Variants in AMPH observed in about 807,000 individuals in gnomAD.
The protein encoded by AMPH is amphiphysin (Stiff-Mann syndrome with breast cancer 128kD autoantigen).
In AMPH, 49 loss-of-function variants were observed where a neutral mutation model predicts 99.1. The ratio of observed to expected loss-of-function variants is 0.49; its 90% CI spans 0.39 to 0.63. AMPH has a LOEUF of 0.63. AMPH is among the 20% of genes least tolerant of loss of function. The pLI, the probability that AMPH is intolerant of heterozygous loss-of-function variation, is 0.00. For missense variants in AMPH, 759 were observed against 863.4 expected (o/e 0.88, Z 1.52); for synonymous variants, 314 against 317.3 (o/e 0.99, Z 0.11).
In AMPH at chr7:38,391,847, G is replaced by A; in HGVS notation, c.1779C>T (p.Asp593=). 6.2e-7 allele frequency: 1 copy of A among 1,613,266 alleles called. No individual in the cohort carries two copies. The highest frequency in any genetic ancestry group is 8.5e-7 in the Non-Finnish European group (1 of 1,179,840). Reference sequence around the variant, plus strand: ...CTGGTGCAGAAGGCGTGGGCTGAGGGTCCTGGATAGGCTTCTGCTCCGTAG... The same window carrying A: ...CTGGTGCAGAAGGCGTGGGCTGAGGATCCTGGATAGGCTTCTGCTCCGTAG... ...ELATEQKPIQ[D]PQPTPSAPAM... is the part of the protein sequence containing the mutation. Residue 593 remains aspartate (D), a synonymous_variant, in exon 19 of 21, where the codon GAC becomes GAT. Coordinates refer to ENST00000356264, the MANE Select transcript of AMPH (RefSeq NM_001635.4).
chr7:38,474,207 AAGCTTTG>A (rs1023205477), intron 7 of AMPH, among the ~76,000 whole-genome samples: 1 of 152,154 alleles, frequency 6.6e-6, no homozygotes, highest in African/African-American at 2.4e-5. Flanking sequence ...AACAATTGCA[AAGCTTTG>A]AGGTTTCGGA....
intron 1 of AMPH, among the ~76,000 whole-genome samples, chr7:38,611,954 TG>T (rs1269769593): frequency 6.6e-6 from 1 of 152,214 alleles, no homozygotes; most frequent in Non-Finnish European, 1.5e-5. Flanking sequence ...AAACACGGTC[TG>T]TCTACACAGC....
intron 1 of AMPH, among the ~76,000 whole-genome samples, chr7:38,594,989 A>G (rs1168453355): frequency 1.3e-5 from 2 of 152,212 alleles, no homozygotes; most frequent in Non-Finnish European, 1.5e-5. Flanking sequence ...TGTGGTGTAC[A>G]TTACATGTGA....
chr7:38,558,991 G>A (rs1202609849), intron 1 of AMPH, among the ~76,000 whole-genome samples: 1 of 152,190 alleles, frequency 6.6e-6, no homozygotes, highest in East Asian at 1.9e-4. Context: ...GAGACATAAG[G>A]AAATTTATAT....
intron 1 of AMPH, among the ~76,000 whole-genome samples, chr7:38,626,490 A>T (rs74714068): frequency 0.033 from 4,976 of 152,344 alleles, 325 homozygotes; most frequent in African/African-American, 0.11. Flanking sequence ...CTGGCTAGCC[A>T]TATGCAGAAA....
chr7:38,428,721 C>A (rs1044287545), intron 14 of AMPH: 5 of 456,624 alleles, frequency 1.1e-5, no homozygotes, highest in Non-Finnish European at 2.2e-5. Flanking sequence ...GGCTCCAAAG[C>A]CTTCTATCAT....
chr7:38,498,824 T>C (rs567144212), intron 3 of AMPH, among the ~76,000 whole-genome samples: 20 of 152,356 alleles, frequency 1.3e-4, no homozygotes, highest in African/African-American at 4.6e-4. Context: ...TATGATATGA[T>C]ACATGAAGCA....
intron 1 of AMPH, among the ~76,000 whole-genome samples, chr7:38,545,784 C>T (rs1022561270): frequency 2.6e-5 from 4 of 152,088 alleles, no homozygotes; most frequent in Admixed American, 2.6e-4. Flanking sequence ...TGCAATATGC[C>T]CCAACTGCCA....
At chr7:38,521,996 G>A (rs79389546) in intron 2 of AMPH, among the ~76,000 whole-genome samples, 1 of 152,162 alleles carries the variant, frequency 6.6e-6, no homozygotes, top group Admixed American at 6.5e-5. Flanking sequence ...TATTACTACA[G>A]CTATCATAGG....
intron 12 of AMPH, among the ~76,000 whole-genome samples, chr7:38,434,607 C>T (rs1786184590): frequency 1.3e-5 from 2 of 152,054 alleles, no homozygotes; most frequent in African/African-American, 4.8e-5. Context: ...GTCGTGGTGG[C>T]AGGCGCCTGT....
intron 5 of AMPH, among the ~76,000 whole-genome samples, chr7:38,477,231 A>G (rs749932817): frequency 1.3e-5 from 2 of 152,042 alleles, no homozygotes; most frequent in Admixed American, 6.6e-5. Context: ...CAGAGTTTGC[A>G]GTCAAAGACC....
At chr7:38,531,814 T>C (rs1402305077) in intron 2 of AMPH, among the ~76,000 whole-genome samples, 1 of 152,180 alleles carries the variant, frequency 6.6e-6, no homozygotes, top group Non-Finnish European at 1.5e-5. Flanking sequence ...ATATAAAATA[T>C]ATATACTCGT....
chr7:38,520,565 A>G (rs1789919906), intron 2 of AMPH, among the ~76,000 whole-genome samples: 1 of 152,226 alleles, frequency 6.6e-6, no homozygotes, highest in African/African-American at 2.4e-5. Flanking sequence ...ATATTTTACA[A>G]TTGAATGAGA....
chr7:38,400,679 C>T (rs932194907), intron 17 of AMPH, among the ~76,000 whole-genome samples: 2 of 152,212 alleles, frequency 1.3e-5, no homozygotes, highest in East Asian at 1.9e-4. Flanking sequence ...GAGAACTTGT[C>T]GTCTCTGAGG....
In AMPH at chr7:38,585,654, T is replaced by G. The variant is rs529641873; in HGVS notation, c.69+45629A>C. On this transcript the variant is annotated intron_variant, in intron 1 of 20. Transcript: ENST00000356264. ...CAGAGCCAAATTTAGCCTAAGCTTT[T>G]AATACATGGATCTGTCCAATAGCCT... Among the ~76,000 whole-genome samples the G allele has an allele frequency of 2.8e-4, 43 of 152,382 alleles. 1 individual carries two copies. In the South Asian group the frequency reaches 8.3e-3, roughly 29 times the overall value.
intron 3 of AMPH, among the ~76,000 whole-genome samples, chr7:38,499,696 T>C (rs1259648512): frequency 6.6e-6 from 1 of 152,176 alleles, no homozygotes; most frequent in African/African-American, 2.4e-5. Context: ...AAAATGTAAA[T>C]TATGATCTAC....
At chr7:38,436,143 T>C (rs904349911) in intron 12 of AMPH, 129 bp downstream of exon 12, 1 of 680,392 alleles carries the variant, frequency 1.5e-6, no homozygotes, top group Non-Finnish European at 2.6e-6. Context: ...CTCTTTCCTA[T>C]TAGGAAATAT....
chr7:38,513,565 T>C (rs1050451875), intron 2 of AMPH, among the ~76,000 whole-genome samples: 25 of 152,202 alleles, frequency 1.6e-4, no homozygotes, highest in Admixed American at 1.6e-3. Context: ...AGATTCTGTA[T>C]CTTTTCCCTA....
At chr7:38,405,288 C>T (rs1346560050) in intron 17 of AMPH, among the ~76,000 whole-genome samples, 2 of 152,102 alleles carry the variant, frequency 1.3e-5, no homozygotes, top group Non-Finnish European at 2.9e-5. Context: ...TCCTATAAAG[C>T]AATTACACAA....
Sources: allele counts gnomAD v4.1 joint callset (sites outside exome capture counted in the v4.1 genomes callset), GRCh38; gene constraint gnomAD v4.1.1; transcripts MANE v1.5; gene names NCBI Gene and HGNC (gene_info 2026-07-23, HGNC 2026-07-21).